Variants in ST6GAL2 observed in about 807,000 individuals in gnomAD.
ST6GAL2 encodes beta-galactoside alpha-2,6-sialyltransferase 2.
In ST6GAL2, 24 loss-of-function variants were observed where a neutral mutation model predicts 37.5. That is an observed-to-expected ratio of 0.64 (90% confidence interval 0.46 to 0.90). The LOEUF (loss-of-function observed/expected upper bound fraction) is 0.90. Among genes scored for constraint, ST6GAL2 ranks in the 40% least tolerant of loss-of-function variants. The pLI, the probability that ST6GAL2 is intolerant of heterozygous loss-of-function variation, is 0.00. For missense variants in ST6GAL2, 715 were observed against 712.7 expected (o/e 1.00, Z -0.04); for synonymous variants, 306 against 295.1 (o/e 1.04, Z -0.38).
At chr2:106,866,969 A>G (rs1678053186) in intron 1 of ST6GAL2, among the ~76,000 whole-genome samples, 2 of 152,208 alleles carry the variant, frequency 1.3e-5, no homozygotes, top group African/African-American at 2.4e-5. Flanking sequence ...CGAGTTAACA[A>G]TAACAGAAAA....
chr2:106,840,929 A>G (rs1268228065), intron 2 of ST6GAL2, among the ~76,000 whole-genome samples: 1 of 152,180 alleles, frequency 6.6e-6, no homozygotes, highest in African/African-American at 2.4e-5. Flanking sequence ...CATTATTAAT[A>G]TTGGCTCTCA....
chr2:106,868,552 A>T (rs1000327935), intron 1 of ST6GAL2, among the ~76,000 whole-genome samples: 1 of 152,256 alleles, frequency 6.6e-6, no homozygotes, highest in African/African-American at 2.4e-5. Flanking sequence ...TACAAGTCCC[A>T]AAGCAAAGAT....
At chr2:106,841,111 G>C (rs906262107) in intron 2 of ST6GAL2, 2 of 152,172 alleles carry the variant, frequency 1.3e-5, no homozygotes, top group African/African-American at 4.8e-5. Context: ...AGGTACCCCA[G>C]ACCTTGATTC....
At position 106,807,634 on chromosome 2, in the gene ST6GAL2, T is replaced by TC. The variant is rs925624020; in HGVS notation, c.1319-686_1319-685insG. On this transcript the variant is annotated intron_variant, in intron 5 of 5. Transcript: ENST00000409382. ...TCATCACTGAGTACATTTTATTCTT[T>TC]TTTTTTTTTTTTGAGACGGAGTCTC... 4.7e-4 allele frequency among the ~76,000 whole-genome samples: 71 copies of TC among 150,400 alleles called. 1 individual carries two copies. The highest frequency in any genetic ancestry group is 9.8e-4 in the Non-Finnish European group (66 of 67,392).
intron 1 of ST6GAL2, among the ~76,000 whole-genome samples, chr2:106,850,736 A>G (rs1677325128): frequency 6.6e-6 from 1 of 152,238 alleles, no homozygotes; most frequent in Non-Finnish European, 1.5e-5. Context: ...GTTTTCCTTG[A>G]AATGACCATA....
chr2:106,851,641 A>AT (rs1216810744), intron 1 of ST6GAL2, among the ~76,000 whole-genome samples: 1 of 141,436 alleles, frequency 7.1e-6, no homozygotes, highest in Non-Finnish European at 1.5e-5. Flanking sequence ...TTTATTGCCC[A>AT]TTTTCTTGAC....
chr2:106,828,639 C>T (rs901456214), intron 5 of ST6GAL2, among the ~76,000 whole-genome samples: 1 of 152,094 alleles, frequency 6.6e-6, no homozygotes, highest in African/African-American at 2.4e-5. Context: ...ATAACCAAAC[C>T]AATGTTATCT....
At chr2:106,813,373 T>C (rs989016190) in intron 5 of ST6GAL2, 6 of 513,360 alleles carry the variant, frequency 1.2e-5, no homozygotes, top group Non-Finnish European at 1.8e-5. Context: ...TTTCTACTGG[T>C]TTTGATAAAA....
At chr2:106,852,700 A>G (rs1009165290) in intron 1 of ST6GAL2, among the ~76,000 whole-genome samples, 8 of 152,266 alleles carry the variant, frequency 5.3e-5, no homozygotes, top group African/African-American at 1.7e-4. Context: ...TTCCTCATTT[A>G]CTGTGCTGCT....
chr2:106,813,436 C>T (rs1356243034), intron 5 of ST6GAL2, among the ~76,000 whole-genome samples: 1 of 152,110 alleles, frequency 6.6e-6, no homozygotes, highest in Middle Eastern at 3.2e-3. Context: ...TATTTATTTG[C>T]TCCAAAACCT....
intron 1 of ST6GAL2, among the ~76,000 whole-genome samples, chr2:106,873,451 G>C (rs562133218): frequency 2.6e-5 from 4 of 152,174 alleles, no homozygotes; most frequent in Non-Finnish European, 5.9e-5. Flanking sequence ...GAGCCCATTC[G>C]TTCTGGAACG....
chr2:106,852,659 G>C (rs1677417627), intron 1 of ST6GAL2, among the ~76,000 whole-genome samples: 1 of 152,170 alleles, frequency 6.6e-6, no homozygotes, highest in Non-Finnish European at 1.5e-5. Flanking sequence ...TGCCTGACCA[G>C]GGGCTGTTGG....
chr2:106,833,505 C>A (rs1274408119), intron 3 of ST6GAL2, among the ~76,000 whole-genome samples: 11 of 152,158 alleles, frequency 7.2e-5, no homozygotes, highest in Admixed American at 6.5e-5. Context: ...TTTTGAAACT[C>A]CAGAAATTGT....
chr2:106,810,496 T>C (rs1675562750), intron 5 of ST6GAL2, among the ~76,000 whole-genome samples: 1 of 152,210 alleles, frequency 6.6e-6, no homozygotes, highest in South Asian at 2.1e-4. Context: ...TGTAGTCTCA[T>C]GAATTGGTGG....
intron 1 of ST6GAL2, among the ~76,000 whole-genome samples, chr2:106,848,822 G>A (rs908339045): frequency 5.3e-5 from 8 of 152,192 alleles, no homozygotes; most frequent in East Asian, 1.9e-4. Context: ...TGTAGCCTGC[G>A]TCAGACAGCT....
chr2:106,836,396 T>A (rs1676638655), intron 2 of ST6GAL2, among the ~76,000 whole-genome samples: 3 of 152,138 alleles, frequency 2.0e-5, no homozygotes, highest in Admixed American at 6.5e-5. Flanking sequence ...GAGGGCTAGT[T>A]TCTTAGGGTT....
chr2:106,844,092 G>C (rs1677051113), intron 1 of ST6GAL2, 58 bp from the exon 2 acceptor site: 1 of 812,350 alleles, frequency 1.2e-6, no homozygotes, highest in East Asian at 2.5e-5. Flanking sequence ...GATGCTGCTG[G>C]GGACATTCTA....
intron 5 of ST6GAL2, among the ~76,000 whole-genome samples, chr2:106,814,332 G>T (rs1675718737): frequency 6.6e-6 from 1 of 152,150 alleles, no homozygotes; most frequent in Non-Finnish European, 1.5e-5. Flanking sequence ...ATTAAAAAAT[G>T]AGATTCCAAA....
At chr2:106,821,051 C>T (rs1198857508) in intron 5 of ST6GAL2, among the ~76,000 whole-genome samples, 1 of 151,694 alleles carries the variant, frequency 6.6e-6, no homozygotes, top group Admixed American at 6.6e-5. Flanking sequence ...AAAAGTAGAA[C>T]AACTTCAAGT....
Sources: allele counts gnomAD v4.1 joint callset (sites outside exome capture counted in the v4.1 genomes callset), GRCh38; gene constraint gnomAD v4.1.1; transcripts MANE v1.5; gene names NCBI Gene and HGNC (gene_info 2026-07-23, HGNC 2026-07-21).